Variants in VPS13B observed in about 807,000 individuals in gnomAD.
VPS13B encodes vacuolar protein sorting 13 homolog B.
Under a neutral mutation model 426.4 loss-of-function variants are expected in VPS13B, and 285 were observed. The observed-to-expected ratio is 0.67, with a 90% CI of 0.61 to 0.74. The LOEUF is 0.74. Among genes scored for constraint, VPS13B ranks in the 30% least tolerant of loss-of-function variants. The pLI, the probability that VPS13B is intolerant of heterozygous loss-of-function variation, is 0.00. For synonymous variants in VPS13B, 1,676 were observed against 1,676.4 expected (o/e 1.00, Z 0.01); for missense variants, 4,537 against 4,782.6 (o/e 0.95, Z 1.51).
chr8:99,323,426 A>T lies in VPS13B; in HGVS notation c.2824+48172A>T, dbSNP rs188397042. Among the ~76,000 whole-genome samples the T allele has an allele frequency of 5.9e-5, 9 of 152,334 alleles. No individual in the cohort carries two copies. The East Asian group carries it at 1.7e-3, about 29-fold the overall frequency. On this transcript the variant is annotated intron_variant, in intron 19 of 61. Transcript: ENST00000357162. ...TTTTCTTACATCCTTAAAAACTCAG[A>T]ATAGCCCAGTGAAGAAAGAACTCCT...
At chr8:99,244,195 A>G (rs1285531000) in intron 17 of VPS13B, among the ~76,000 whole-genome samples, 1 of 152,264 alleles carries the variant, frequency 6.6e-6, no homozygotes, top group Admixed American at 6.5e-5. Flanking sequence ...ATCACTAAAT[A>G]GGTTTACATT....
At chr8:99,775,477 T>C (rs551147542) in intron 40 of VPS13B, among the ~76,000 whole-genome samples, 1 of 152,252 alleles carries the variant, frequency 6.6e-6, no homozygotes, top group South Asian at 2.1e-4. Flanking sequence ...AATCCCAAAT[T>C]CCCAGGTCTC....
intron 55 of VPS13B, 116 bp from the exon 56 acceptor site, chr8:99,853,335 T>C: frequency 9.6e-7 from 1 of 1,041,486 alleles, no homozygotes; most frequent in South Asian, 1.5e-5. Context: ...TTGTTTCTTA[T>C]GAGAATCTGA....
chr8:99,621,830 T>C (rs1477604442), intron 33 of VPS13B, among the ~76,000 whole-genome samples: 10 of 136,202 alleles, frequency 7.3e-5, no homozygotes, highest in African/African-American at 2.7e-4. Flanking sequence ...CTTTTTTTTT[T>C]TTTTTTTTTT....
At chr8:99,576,153 AAGAAATAATTATAAGAGGAATCTG>A (rs1356091970) in intron 32 of VPS13B, among the ~76,000 whole-genome samples, 19 of 152,282 alleles carry the variant, frequency 1.2e-4, no homozygotes, top group African/African-American at 3.6e-4. Flanking sequence ...TGATCAATAG[AAGAAATAATTATAAGAGGAATCTG>A]AGAAGCTAAA....
intron 5 of VPS13B, among the ~76,000 whole-genome samples, chr8:99,103,434 A>G (rs775125329): frequency 6.7e-6 from 1 of 149,790 alleles, no homozygotes; most frequent in Non-Finnish European, 1.5e-5. Context: ...GGCTCAAACA[A>G]TCCTCTCACC....
chr8:99,387,347 A>G (rs891983689), intron 20 of VPS13B, among the ~76,000 whole-genome samples: 3 of 152,000 alleles, frequency 2.0e-5, no homozygotes, highest in African/African-American at 7.3e-5. Context: ...CCTCCTGAGT[A>G]GCAGGGACCA....
At chr8:99,773,750 AG>A (rs1308740313) in intron 40 of VPS13B, among the ~76,000 whole-genome samples, 1 of 152,198 alleles carries the variant, frequency 6.6e-6, no homozygotes, top group Non-Finnish European at 1.5e-5. Flanking sequence ...AAAAGTGAAG[AG>A]CACCAGATAA....
intron 43 of VPS13B, among the ~76,000 whole-genome samples, chr8:99,808,916 C>A (rs1813552437): frequency 6.6e-6 from 1 of 151,570 alleles, no homozygotes; most frequent in South Asian, 2.1e-4. Flanking sequence ...CTTCAAACTG[C>A]TATTTTGTTC....
At chr8:99,602,707 G>A (rs986806508) in intron 33 of VPS13B, among the ~76,000 whole-genome samples, 8 of 149,250 alleles carry the variant, frequency 5.4e-5, no homozygotes, top group Admixed American at 6.6e-5. Context: ...AAATCAATGT[G>A]CAAAAATCAC....
chr8:99,806,050 C>T lies in VPS13B; in HGVS notation c.7942-3325C>T, dbSNP rs1003832564. ...TCCTCTCCCCTGTATTTCTAGCCCACGTTGCCCCTCATGCAACTCCTGCAG... is the reference window on the plus strand; with the variant it reads ...TCCTCTCCCCTGTATTTCTAGCCCATGTTGCCCCTCATGCAACTCCTGCAG... On this transcript the variant is annotated intron_variant, in intron 43 of 61. Transcript: ENST00000357162. 1.9e-4 allele frequency among the ~76,000 whole-genome samples: 29 copies of T among 152,198 alleles called. 1 individual carries two copies. The highest frequency in any genetic ancestry group is 1.0e-4 in the Non-Finnish European group (7 of 68,034).
intron 17 of VPS13B, chr8:99,233,310 A>G: frequency 9.0e-7 from 1 of 1,114,740 alleles, no homozygotes; most frequent in Admixed American, 1.7e-5. Context: ...GCACTCTGAT[A>G]TGGGCTTCCA....
At chr8:99,729,998 T>C (rs1287219638) in intron 39 of VPS13B, among the ~76,000 whole-genome samples, 1 of 152,226 alleles carries the variant, frequency 6.6e-6, no homozygotes, top group African/African-American at 2.4e-5. Flanking sequence ...TTCTGAGAGT[T>C]ATTTGCAATT....
intron 17 of VPS13B, among the ~76,000 whole-genome samples, chr8:99,223,079 TGGC>T (rs1815819222): frequency 1.3e-5 from 2 of 152,130 alleles, no homozygotes; most frequent in African/African-American, 4.8e-5. Context: ...CCGCCTGTCT[TGGC>T]CTCCCAAAGT....
intron 21 of VPS13B, among the ~76,000 whole-genome samples, chr8:99,427,603 A>G (rs967781118): frequency 1.3e-5 from 2 of 152,250 alleles, no homozygotes; most frequent in African/African-American, 4.8e-5. Flanking sequence ...CTCTTCAAGG[A>G]GAACTACAAA....
At chr8:99,275,414 G>A (rs1010147065) in intron 19 of VPS13B, among the ~76,000 whole-genome samples, 160 bp downstream of exon 19, 1 of 138,800 alleles carries the variant, frequency 7.2e-6, no homozygotes, top group Non-Finnish European at 1.5e-5. Flanking sequence ...AAGAATTTTT[G>A]TATCACTTTT....
At chr8:99,459,847 T>C (rs1818733842) in intron 23 of VPS13B, among the ~76,000 whole-genome samples, 1 of 152,080 alleles carries the variant, frequency 6.6e-6, no homozygotes, top group East Asian at 1.9e-4. Flanking sequence ...ACCCTGTTTA[T>C]TATTATGCAA....
At chr8:99,148,382 A>C (rs905476985) in intron 14 of VPS13B, among the ~76,000 whole-genome samples, 9 of 150,218 alleles carry the variant, frequency 6.0e-5, no homozygotes, top group Non-Finnish European at 8.8e-5. Flanking sequence ...AAAAAAGAAA[A>C]AGATAAAAGT....
Position 99,871,577 on chromosome 8 carries a change from C to A in VPS13B, c.11625C>A (p.Val3875=). The change falls in exon 61 of 62, where the codon GTC becomes GTA. Residue 3875 remains valine, a synonymous_variant. Transcript: ENST00000357162. ...LTSEVLFVVS[V]SEDTQQQAFP... ...CAGAAGTGCTCTTCGTGGTGAGTGT[C>A]AGTGAGGACACACAGCAGCAGGCCT... 6.2e-7 allele frequency: 1 copy of A among 1,614,236 alleles called. No individual in the cohort carries two copies. The highest frequency in any genetic ancestry group is 1.1e-5 in the South Asian group (1 of 91,080).
Sources: allele counts gnomAD v4.1 joint callset (sites outside exome capture counted in the v4.1 genomes callset), GRCh38; gene constraint gnomAD v4.1.1; transcripts MANE v1.5; gene names NCBI Gene and HGNC (gene_info 2026-07-23, HGNC 2026-07-21).